Variants in STX8 observed in about 807,000 individuals in gnomAD.
The protein encoded by STX8 is syntaxin-8.
A neutral mutation model predicts 37.5 loss-of-function variants in STX8; 23 were observed. The observed-to-expected ratio is 0.61, with a 90% CI of 0.44 to 0.87. The LOEUF is 0.87. STX8 is among the 40% of genes least tolerant of loss of function. The pLI is 0.00. For synonymous variants in STX8, 115 were observed against 99.1 expected (o/e 1.16, Z -0.95); for missense variants, 313 against 284.7 (o/e 1.10, Z -0.71).
At chr17:9,485,137 A>AATAATG (rs4063147) in intron 6 of STX8, among the ~76,000 whole-genome samples, 142,110 of 152,048 alleles carry the variant, frequency 0.93, 67,161 homozygotes, top group East Asian at 1. Context: ...AAAAAAAATT[A>AATAATG]TAATAAGATC....
intron 7 of STX8, among the ~76,000 whole-genome samples, chr17:9,373,291 A>C (rs982967539): frequency 6.6e-6 from 1 of 152,206 alleles, no homozygotes; most frequent in Non-Finnish European, 1.5e-5. Context: ...AAAAAAGGAA[A>C]GACTTGAGCA....
intron 7 of STX8, among the ~76,000 whole-genome samples, chr17:9,347,491 C>T (rs1164430939): frequency 6.6e-6 from 1 of 152,162 alleles, no homozygotes; most frequent in Non-Finnish European, 1.5e-5. Context: ...TGTTGTGCAA[C>T]TATCACTACT....
intron 7 of STX8, among the ~76,000 whole-genome samples, chr17:9,261,312 T>C (rs997780544): frequency 4.6e-5 from 7 of 152,170 alleles, no homozygotes; most frequent in Admixed American, 6.5e-5. Context: ...CAGTGCTGAA[T>C]AGCAGCACTG....
chr17:9,401,366 TATG>T (rs1466259283), intron 6 of STX8, among the ~76,000 whole-genome samples: 3 of 152,194 alleles, frequency 2.0e-5, no homozygotes, highest in Non-Finnish European at 4.4e-5. Flanking sequence ...TAAAAGTAGT[TATG>T]ATGATGGTAA....
chr17:9,574,238 T>C (rs1323763489), intron 1 of STX8, among the ~76,000 whole-genome samples: 1 of 146,920 alleles, frequency 6.8e-6, no homozygotes, highest in Non-Finnish European at 1.5e-5. Context: ...GCCATTGCAC[T>C]CCAGCCTGGG....
At chr17:9,540,988 T>G (rs530193378) in intron 4 of STX8, among the ~76,000 whole-genome samples, 2 of 152,130 alleles carry the variant, frequency 1.3e-5, no homozygotes, top group Non-Finnish European at 2.9e-5. Context: ...GTCCACCACA[T>G]GGATCAGCCT....
At chr17:9,559,729 T>G (rs1215850873) in intron 2 of STX8, among the ~76,000 whole-genome samples, 1 of 96,006 alleles carries the variant, frequency 1.0e-5, no homozygotes, top group Non-Finnish European at 2.1e-5. Flanking sequence ...AAGATTATTA[T>G]TATTTTATAT....
At chr17:9,362,840 A>ATAAAATAAAT (rs546458056) in intron 7 of STX8, among the ~76,000 whole-genome samples, 6 of 115,526 alleles carry the variant, frequency 5.2e-5, no homozygotes, top group African/African-American at 1.5e-4. Flanking sequence ...AAAAAAAAAA[A>ATAAAATAAAT]AAATAAATAA....
intron 7 of STX8, among the ~76,000 whole-genome samples, chr17:9,285,838 A>G (rs1450649587): frequency 6.6e-6 from 1 of 152,224 alleles, no homozygotes; most frequent in Admixed American, 6.5e-5. Context: ...TTGCTAAGGC[A>G]CTTGTGCTTA....
intron 4 of STX8, among the ~76,000 whole-genome samples, chr17:9,525,931 C>T (rs956872901): frequency 6.6e-6 from 1 of 152,218 alleles, no homozygotes; most frequent in African/African-American, 2.4e-5. Context: ...ATTTTCCTGA[C>T]AATGATGTGT....
chr17:9,385,833 G>A (rs1351840108), intron 6 of STX8, among the ~76,000 whole-genome samples: 1 of 152,204 alleles, frequency 6.6e-6, no homozygotes, highest in Non-Finnish European at 1.5e-5. Context: ...GAGTGCAGTG[G>A]CACGATCTCC....
intron 7 of STX8, among the ~76,000 whole-genome samples, chr17:9,301,755 T>A (rs952324498): frequency 6.6e-6 from 1 of 151,802 alleles, no homozygotes; most frequent in Non-Finnish European, 1.5e-5. Context: ...TCCCAAAGTG[T>A]TGGGATTACA....
At chr17:9,323,914 T>A (rs889773430) in intron 7 of STX8, among the ~76,000 whole-genome samples, 2 of 152,242 alleles carry the variant, frequency 1.3e-5, no homozygotes, top group African/African-American at 4.8e-5. Context: ...AGGTGAGCCC[T>A]GATCCCAAGA....
At position 9,480,226 on chromosome 17, in the gene STX8, T is replaced by C. The variant is rs1045562395; in HGVS notation, c.541+11603A>G. ...GCCGTGACAACAGACATGACATGTA[T>C]ATGTGGATTCTGGCACAGTGCTTAG... On this transcript the variant is annotated intron_variant, in intron 6 of 7. Transcript: ENST00000306357. Among the ~76,000 whole-genome samples, 3 of 152,200 alleles carry C rather than the reference T, an allele frequency of 2.0e-5. No homozygotes were observed. The East Asian group carries it at 5.8e-4, about 29-fold the overall frequency.
At chr17:9,547,246 C>CAA (rs11300957) in intron 3 of STX8, 1 of 129,632 alleles carries the variant, frequency 7.7e-6, no homozygotes, top group African/African-American at 3.0e-5. Flanking sequence ...GACTCTGTCT[C>CAA]AAAAAAAAAA....
intron 3 of STX8, among the ~76,000 whole-genome samples, chr17:9,547,627 C>CAAAAAAAAA (rs11377271): frequency 5.6e-5 from 3 of 53,294 alleles, no homozygotes; most frequent in African/African-American, 2.3e-4. Context: ...GACTCCGTCT[C>CAAAAAAAAA]AAAAAAAAAA....
At chr17:9,352,408 C>CTT (rs150063477) in intron 7 of STX8, among the ~76,000 whole-genome samples, 13 of 143,128 alleles carry the variant, frequency 9.1e-5, no homozygotes, top group African/African-American at 3.1e-4. Flanking sequence ...CTAATTTTAT[C>CTT]TTTTTTTTTT....
intron 7 of STX8, among the ~76,000 whole-genome samples, chr17:9,303,083 A>G (rs1414516702): frequency 6.6e-6 from 1 of 151,766 alleles, no homozygotes; most frequent in Non-Finnish European, 1.5e-5. Context: ...CACAAGGTCA[A>G]GAGATCGAGA....
At chr17:9,425,785 C>A (rs1913603950) in intron 6 of STX8, among the ~76,000 whole-genome samples, 1 of 152,176 alleles carries the variant, frequency 6.6e-6, no homozygotes, top group African/African-American at 2.4e-5. Flanking sequence ...AAATAGTCCA[C>A]TAATGTCCCT....
Sources: allele counts gnomAD v4.1 joint callset (sites outside exome capture counted in the v4.1 genomes callset), GRCh38; gene constraint gnomAD v4.1.1; transcripts MANE v1.5; gene names NCBI Gene and HGNC (gene_info 2026-07-23, HGNC 2026-07-21).